The following ZHX3 variants were observed in gnomAD, a reference collection of about 807,000 sequenced individuals.
ZHX3 encodes the protein zinc fingers and homeoboxes protein 3.
A neutral mutation model predicts 64.5 loss-of-function variants in ZHX3; 20 were observed. The ratio of observed to expected loss-of-function variants is 0.31; its 90% CI spans 0.22 to 0.45. ZHX3 has a LOEUF of 0.45. ZHX3 is among the 20% of genes least tolerant of loss of function. ZHX3 has a pLI of 1.00. For synonymous variants in ZHX3, 423 were observed against 461.6 expected (o/e 0.92, Z 1.07); for missense variants, 1,041 against 1,195.8 (o/e 0.87, Z 1.91).
At chr20:41,312,803 G>A (rs539162377) in intron 1 of ZHX3, among the ~76,000 whole-genome samples, 16 of 152,298 alleles carry the variant, frequency 1.1e-4, no homozygotes, top group African/African-American at 3.6e-4. Context: ...GGGGAGCCTG[G>A]AGAGGGAGCA....
intron 2 of ZHX3, among the ~76,000 whole-genome samples, chr20:41,256,873 G>A (rs922313307): frequency 4.0e-5 from 6 of 151,508 alleles, no homozygotes; most frequent in South Asian, 2.1e-4. Flanking sequence ...GACTTTTAGC[G>A]TCCACATCAT....
intron 1 of ZHX3, among the ~76,000 whole-genome samples, chr20:41,314,617 C>G (rs1216597457): frequency 1.3e-5 from 2 of 152,142 alleles, no homozygotes; most frequent in East Asian, 3.9e-4. Flanking sequence ...AGAAGGAAAG[C>G]CAACAACATT....
chr20:41,191,855 G>A, intron 3 of ZHX3, among the ~76,000 whole-genome samples: 1 of 152,240 alleles, frequency 6.6e-6, no homozygotes, highest in East Asian at 1.9e-4. Context: ...TGGAATGCCA[G>A]GTGGGCCATT....
chr20:41,314,461 G>A (rs1180014623), intron 1 of ZHX3, among the ~76,000 whole-genome samples: 1 of 152,128 alleles, frequency 6.6e-6, no homozygotes, highest in African/African-American at 2.4e-5. Flanking sequence ...TTATATCTCT[G>A]GGTATCTGTT....
chr20:41,202,051 C>T lies in ZHX3; in HGVS notation c.2860+6G>A, dbSNP rs1391841581. ...AGGATAGCCATGGCCCCTGTGGACT[C>T]CTTACCGAGCTGACGTCCAGCCTGG... On this transcript the variant is annotated splice_donor_region_variant and intron_variant, in intron 3 of 3. Transcript: ENST00000683867. This position sits in a 1 kb window ranked among gnomAD's most constrained non-coding sequence, Gnocchi z 7.0. 1 of 1,583,204 alleles carries T rather than the reference C, an allele frequency of 6.3e-7. No individual in the cohort carries two copies. Among genetic ancestry groups the T allele is most frequent in the South Asian group, 1.2e-5 (1 of 85,094 alleles).
Position 41,313,810 on chromosome 20 carries a change from A to C in ZHX3, c.-245+3699T>G, listed in dbSNP as rs192455225. Among the ~76,000 whole-genome samples the C allele has an allele frequency of 3.5e-3, 525 of 152,136 alleles. 3 individuals are homozygous for C. The highest frequency in any genetic ancestry group is 0.012 in the African/African-American group (501 of 41,526). On this transcript the variant is annotated intron_variant, in intron 1 of 3. Coordinates refer to ENST00000683867, the MANE Select transcript of ZHX3 (RefSeq NM_001384317.1). ...ACGGGGTTTCACCGTGTTAGCCAGG[A>C]TGGTCTCGATCTCCTGACCTCGTGA...
chr20:41,221,512 C>CA (rs577255686), intron 2 of ZHX3, among the ~76,000 whole-genome samples: 74 of 148,430 alleles, frequency 5.0e-4, no homozygotes, highest in African/African-American at 6.4e-4. Context: ...ATGGGGAAGA[C>CA]AAAAAAAAAT....
chr20:41,253,104 CT>C (rs2042068408), intron 2 of ZHX3, among the ~76,000 whole-genome samples: 1 of 152,188 alleles, frequency 6.6e-6, no homozygotes, highest in Non-Finnish European at 1.5e-5. Flanking sequence ...TGCCCCCACC[CT>C]TGCCATCTCT....
intron 1 of ZHX3, among the ~76,000 whole-genome samples, chr20:41,302,955 C>T (rs2044866940): frequency 6.6e-6 from 1 of 152,208 alleles, no homozygotes; most frequent in Admixed American, 6.5e-5. Context: ...AGGGAGAGGA[C>T]TCTAGTGGTA....
At chr20:41,281,984 AT>A (rs1345819502) in intron 1 of ZHX3, among the ~76,000 whole-genome samples, 2 of 152,144 alleles carry the variant, frequency 1.3e-5, no homozygotes, top group Admixed American at 1.3e-4. Flanking sequence ...GGGAAGATGG[AT>A]TCCCTATGTG....
intron 1 of ZHX3, among the ~76,000 whole-genome samples, chr20:41,305,419 G>A (rs941436956): frequency 1.3e-5 from 2 of 152,156 alleles, no homozygotes; most frequent in Non-Finnish European, 1.5e-5. Context: ...TTGATCCCAG[G>A]AGGTAGAAGC....
intron 1 of ZHX3, among the ~76,000 whole-genome samples, chr20:41,289,002 C>T (rs1273163502): frequency 6.6e-6 from 1 of 151,896 alleles, no homozygotes; most frequent in Non-Finnish European, 1.5e-5. Context: ...ATAGTTTTTT[C>T]TTTTTTTGAG....
rs372529236 is a variant in ZHX3 at position 41,282,115 on chromosome 20, TGAA to T, written c.-244-13035_-244-13033del. Among the ~76,000 whole-genome samples the T allele has an allele frequency of 6.3e-3, 953 of 152,284 alleles. 8 individuals carry two copies. Among genetic ancestry groups the T allele is most frequent in the African/African-American group, 0.022 (914 of 41,554 alleles). On this transcript the variant is annotated intron_variant, in intron 1 of 3. Transcript: ENST00000683867. ...CATGAAGATGTCATTTACCCCAAGA[TGAA>T]GAAGACCAGAAAATAAATATATCAG...
At chr20:41,248,720 T>C (rs2041839704) in intron 2 of ZHX3, among the ~76,000 whole-genome samples, 1 of 152,230 alleles carries the variant, frequency 6.6e-6, no homozygotes, top group South Asian at 2.1e-4. Context: ...GTGGAATGAA[T>C]GTGGGCAATC....
chr20:41,199,540 G>C (rs1289725729), intron 3 of ZHX3, among the ~76,000 whole-genome samples: 1 of 151,572 alleles, frequency 6.6e-6, no homozygotes, highest in African/African-American at 2.4e-5. Flanking sequence ...TTAAATATCT[G>C]GCTTGCCAAA....
At chr20:41,279,336 C>G (rs1396071446) in intron 1 of ZHX3, among the ~76,000 whole-genome samples, 1 of 152,100 alleles carries the variant, frequency 6.6e-6, no homozygotes, top group South Asian at 2.1e-4. Flanking sequence ...CCCACCACAA[C>G]CCCCGCTCCA....
rs1555826647 is a variant in ZHX3 at position 41,196,435 on chromosome 20, T to TATATATTATATATTATAA, written c.2860+5621_2860+5622insTTATAATATATAATATAT. Among the ~76,000 whole-genome samples, 4 of 3,932 alleles carry TATATATTATATATTATAA rather than the reference T, an allele frequency of 1.0e-3. 1 individual carries two copies. The highest frequency in any genetic ancestry group is 1.7e-3 in the African/African-American group (2 of 1,178). The allele number at this position is 3,932 out of a possible 152,430, so 2.6% of individuals were successfully genotyped here. A position where few individuals can be genotyped will look rare whatever the true frequency, so the allele number is the denominator to read the frequency against. ...TATATATAATATATATTTATATAAATATATATATTATATATAATATATTTA... is the reference window on the plus strand; with the variant it reads ...TATATATAATATATATTTATATAAATATATATTATATATTATAAATATATATTATATATAATATATTTA... On this transcript the variant is annotated intron_variant, in intron 3 of 3. Transcript: ENST00000683867.
chr20:41,201,643 C>A lies in ZHX3; in HGVS notation c.2860+414G>T, dbSNP rs368060092. 2.6e-4 allele frequency among the ~76,000 whole-genome samples: 39 copies of A among 152,266 alleles called. No homozygotes were observed. The East Asian group carries it at 4.8e-3, about 19-fold the overall frequency. On this transcript the variant is annotated intron_variant, in intron 3 of 3. Coordinates refer to ENST00000683867, the MANE Select transcript of ZHX3 (RefSeq NM_001384317.1). This position sits in a 1 kb window ranked among gnomAD's most constrained non-coding sequence, Gnocchi z 5.0. ...AAAAAGCACATTATGTATCTAAGGA[C>A]AATTAAAGGCTCTCTTTCCTTTTCA... is the stretch of plus-strand genomic sequence containing the variant.
chr20:41,290,124 T>C (rs987559759), intron 1 of ZHX3, among the ~76,000 whole-genome samples: 5 of 152,210 alleles, frequency 3.3e-5, no homozygotes, highest in African/African-American at 1.2e-4. Flanking sequence ...CAGTCTTCCT[T>C]TAAAAAGACT....
Sources: gnomAD v4.1 joint callset for allele counts (sites outside exome capture counted in the v4.1 genomes callset) on GRCh38, gnomAD v4.1.1 for gene constraint, Gnocchi (gnomAD v3.1) non-coding constraint, MANE v1.5 for transcripts, NCBI Gene and HGNC (gene_info 2026-07-23, HGNC 2026-07-21) for gene names.